ACOXL: variants seen among roughly 807,000 people sequenced by gnomAD.
The protein encoded by ACOXL is acyl-coenzyme A oxidase-like protein.
ACOXL carries 70 observed loss-of-function variants against 71.9 expected under a neutral mutation model. The observed-to-expected ratio is 0.97, with a 90% confidence interval of 0.80 to 1.19. The LOEUF is 1.19. ACOXL is among the 50% of genes most tolerant of loss of function. The pLI is 0.00. For synonymous variants in ACOXL, 253 were observed against 281.6 expected (o/e 0.90, Z 1.02); for missense variants, 703 against 736.3 (o/e 0.95, Z 0.52).
chr2:111,052,836 C>T (rs1480119299), intron 16 of ACOXL, among the ~76,000 whole-genome samples: 1 of 152,104 alleles, frequency 6.6e-6, no homozygotes, highest in Non-Finnish European at 1.5e-5. Flanking sequence ...TAAACCCCAC[C>T]AGTTTCTGTC....
chr2:110,958,404 GAACCGCTATTGGTT>G (rs1263746855), intron 12 of ACOXL, among the ~76,000 whole-genome samples: 2 of 152,208 alleles, frequency 1.3e-5, no homozygotes, highest in Non-Finnish European at 2.9e-5. Context: ...ACAACTGGAA[GAACCGCTATTGGTT>G]CAGGGGCCCT....
chr2:111,002,886 A>C (rs1317950289), intron 14 of ACOXL, among the ~76,000 whole-genome samples: 1 of 152,196 alleles, frequency 6.6e-6, no homozygotes, highest in Non-Finnish European at 1.5e-5. Context: ...GAAATCCAAA[A>C]TGCTCTAATG....
At chr2:111,006,214 T>G (rs1419285024) in intron 14 of ACOXL, among the ~76,000 whole-genome samples, 1 of 152,256 alleles carries the variant, frequency 6.6e-6, no homozygotes, top group Non-Finnish European at 1.5e-5. Flanking sequence ...TGGCTGCCTG[T>G]GCAAAGGTCA....
chr2:111,067,892 T>A (rs2067148775), intron 16 of ACOXL, among the ~76,000 whole-genome samples: 1 of 152,188 alleles, frequency 6.6e-6, no homozygotes, highest in African/African-American at 2.4e-5. Flanking sequence ...GCGGGGAAGA[T>A]AAGCCCTCAG....
At chr2:110,818,419 A>ATGTGTGTGTGTG (rs1485183767) in intron 9 of ACOXL, among the ~76,000 whole-genome samples, 105 of 141,728 alleles carry the variant, frequency 7.4e-4, no homozygotes, top group African/African-American at 2.7e-3. Context: ...ACATATATAT[A>ATGTGTGTGTGTG]TATATGTGTG....
intron 12 of ACOXL, among the ~76,000 whole-genome samples, chr2:110,950,928 TA>T (rs1232698508): frequency 6.6e-6 from 1 of 151,932 alleles, no homozygotes; most frequent in East Asian, 1.9e-4. Context: ...CTCTCTCTCA[TA>T]GTCTGAGCCT....
intron 10 of ACOXL, among the ~76,000 whole-genome samples, chr2:110,868,821 G>A (rs186845736): frequency 1.0e-3 from 157 of 152,288 alleles, no homozygotes; most frequent in African/African-American, 3.4e-3. Flanking sequence ...GAATTCCTGG[G>A]CTCAAGTGAT....
intron 1 of ACOXL, among the ~76,000 whole-genome samples, chr2:110,744,894 ACCTCTAGGATGAAGTGGC>A (rs1678007799): frequency 6.6e-6 from 1 of 152,134 alleles, no homozygotes; most frequent in African/African-American, 2.4e-5. Flanking sequence ...GAGGGAGACC[ACCTCTAGGATGAAGTGGC>A]CCATGGAGGC....
chr2:111,089,038 C>T lies in ACOXL; in HGVS notation c.1441-3827C>T, dbSNP rs993532471. On this transcript the variant is annotated intron_variant, in intron 16 of 17. Coordinates refer to ENST00000439055, the MANE Select transcript of ACOXL (RefSeq NM_001142807.4). ...ATTTGGACCCAGGCACGGTGGCTCA[C>T]GCCTGTAATCCCAGCACTTTGGGAG... is the stretch of plus-strand genomic sequence containing the variant. 6.6e-5 allele frequency among the ~76,000 whole-genome samples: 10 copies of T among 152,290 alleles called. No homozygotes were observed. The East Asian group carries it at 1.7e-3, about 26-fold the overall frequency.
chr2:111,006,768 A>G (rs2063896358), intron 14 of ACOXL, among the ~76,000 whole-genome samples: 1 of 152,084 alleles, frequency 6.6e-6, no homozygotes, highest in African/African-American at 2.4e-5. Flanking sequence ...CATGTTGATC[A>G]GGCTGGTCTC....
intron 9 of ACOXL, among the ~76,000 whole-genome samples, chr2:110,831,368 T>TTCC (rs1689803167): frequency 6.6e-6 from 1 of 152,102 alleles, no homozygotes; most frequent in Admixed American, 6.5e-5. Context: ...ATATAATTGC[T>TTCC]CAAAAAATAC....
intron 11 of ACOXL, among the ~76,000 whole-genome samples, chr2:110,917,342 A>G (rs973175935): frequency 6.6e-6 from 1 of 152,214 alleles, no homozygotes; most frequent in African/African-American, 2.4e-5. Context: ...GACCTTTGAC[A>G]AAATTCAACA....
intron 12 of ACOXL, among the ~76,000 whole-genome samples, chr2:110,948,160 C>G (rs1253330738): frequency 6.6e-5 from 10 of 152,170 alleles, no homozygotes; most frequent in Non-Finnish European, 4.4e-5. Flanking sequence ...AGTGAAGTCT[C>G]GAAAAAGCTC....
intron 12 of ACOXL, among the ~76,000 whole-genome samples, chr2:110,955,280 TCTG>T (rs930640791): frequency 6.6e-6 from 1 of 152,012 alleles, no homozygotes; most frequent in African/African-American, 2.4e-5. Context: ...TTTTTAATCT[TCTG>T]CTTGTCTTTT....
At chr2:110,736,659 GC>G (rs1310884652) in intron 1 of ACOXL, among the ~76,000 whole-genome samples, 5 of 146,408 alleles carry the variant, frequency 3.4e-5, no homozygotes, top group Admixed American at 6.9e-5. Context: ...TCGCTCTGTG[GC>G]CCAGGCTGGA....
At chr2:111,049,045 G>T (rs1312101172) in intron 15 of ACOXL, among the ~76,000 whole-genome samples, 173 bp from the exon 16 acceptor site, 1 of 152,184 alleles carries the variant, frequency 6.6e-6, no homozygotes, top group Non-Finnish European at 1.5e-5. Context: ...AGAAGTCACT[G>T]TACGGGGGCC....
intron 12 of ACOXL, among the ~76,000 whole-genome samples, chr2:110,954,469 T>G (rs1472034532): frequency 6.6e-6 from 1 of 152,220 alleles, no homozygotes; most frequent in Non-Finnish European, 1.5e-5. Flanking sequence ...ATTTTTCCCT[T>G]TTATGTTTTC....
intron 12 of ACOXL, among the ~76,000 whole-genome samples, chr2:110,953,525 G>T (rs184613127): frequency 6.6e-6 from 1 of 152,108 alleles, no homozygotes; most frequent in Admixed American, 6.6e-5. Flanking sequence ...CTTCTTAGTG[G>T]CATTATTCAA....
At chr2:110,808,339 C>G (rs528390539) in intron 9 of ACOXL, among the ~76,000 whole-genome samples, 1 of 152,150 alleles carries the variant, frequency 6.6e-6, no homozygotes, top group African/African-American at 2.4e-5. Flanking sequence ...GGTCCTACCC[C>G]CAGGATGTGT....
Sources: allele counts gnomAD v4.1 joint callset (sites outside exome capture counted in the v4.1 genomes callset), GRCh38; gene constraint gnomAD v4.1.1; transcripts MANE v1.5; gene names NCBI Gene and HGNC (gene_info 2026-07-23, HGNC 2026-07-21).